Variants in PRKCH observed in about 807,000 individuals in gnomAD.
The protein encoded by PRKCH is protein kinase C eta.
A neutral mutation model predicts 82.5 loss-of-function variants in PRKCH; 28 were observed. That is an observed-to-expected ratio of 0.34 (90% CI 0.25 to 0.47). The LOEUF is 0.47. PRKCH is among the 20% of genes least tolerant of loss of function. The pLI, the probability that PRKCH is intolerant of heterozygous loss-of-function variation, is 1.00. For missense variants in PRKCH, 705 were observed against 881.8 expected, an observed-to-expected ratio of 0.80 and a Z score of 2.54; for synonymous variants, 322 against 327.4, an observed-to-expected ratio of 0.98 and a Z score of 0.18.
chr14:61,491,636 G>A (rs1201622087), intron 10 of PRKCH, among the ~76,000 whole-genome samples: 1 of 152,212 alleles, frequency 6.6e-6, no homozygotes, highest in Non-Finnish European at 1.5e-5. Flanking sequence ...ATGATGGAGA[G>A]CTCAGAGCTT....
chr14:61,296,497 C>G (rs965049018), intron 1 of PRKCH, among the ~76,000 whole-genome samples: 1 of 152,202 alleles, frequency 6.6e-6, no homozygotes, highest in African/African-American at 2.4e-5. Flanking sequence ...CGGGGTGCAT[C>G]TTTCCAAAAT....
At chr14:61,371,278 A>G (rs1399500792) in intron 1 of PRKCH, among the ~76,000 whole-genome samples, 1 of 152,106 alleles carries the variant, frequency 6.6e-6, no homozygotes, top group Admixed American at 6.5e-5. Context: ...TTAGTATGCT[A>G]CATTGTCACA....
chr14:61,208,876 T>G (rs1441251992), intron 1 of PRKCH, among the ~76,000 whole-genome samples: 1 of 152,196 alleles, frequency 6.6e-6, no homozygotes, highest in Non-Finnish European at 1.5e-5. Flanking sequence ...TTTGTAGTTG[T>G]GGCCTTTGGG....
chr14:61,428,042 TATAGATAG>T (rs1166349303), intron 2 of PRKCH, among the ~76,000 whole-genome samples: 87 of 121,920 alleles, frequency 7.1e-4, no homozygotes, highest in African/African-American at 2.7e-3. Context: ...AATATATATA[TATAGATAG>T]ATAGATAGAT....
At chr14:61,397,080 C>T (rs184658839) in intron 2 of PRKCH, among the ~76,000 whole-genome samples, 1 of 152,106 alleles carries the variant, frequency 6.6e-6, no homozygotes, top group Admixed American at 6.5e-5. Flanking sequence ...TGTGGAGAAC[C>T]ATTATAGAGA....
intron 1 of PRKCH, among the ~76,000 whole-genome samples, chr14:61,312,397 G>C (rs1244808660): frequency 6.6e-6 from 1 of 152,102 alleles, no homozygotes; most frequent in Non-Finnish European, 1.5e-5. Flanking sequence ...ATTACAGTTT[G>C]ATAGCCTGCT....
At chr14:61,253,785 T>C (rs1474164591) in intron 1 of PRKCH, among the ~76,000 whole-genome samples, 2 of 152,120 alleles carry the variant, frequency 1.3e-5, no homozygotes, top group Non-Finnish European at 2.9e-5. Context: ...CTCTGCAAAA[T>C]TGGATTGGTT....
At chr14:61,279,829 C>A in intron 1 of PRKCH, 2 of 473,514 alleles carry the variant, frequency 4.2e-6, no homozygotes, top group Non-Finnish European at 3.8e-6. Flanking sequence ...CTTGAAGAAC[C>A]TCACATGGCA....
intron 10 of PRKCH, among the ~76,000 whole-genome samples, chr14:61,507,383 A>C (rs551251826): frequency 6.6e-6 from 1 of 152,144 alleles, no homozygotes; most frequent in Admixed American, 6.5e-5. Flanking sequence ...TAGGTTCCTC[A>C]AAAAAATTAC....
At chr14:61,442,954 T>C (rs930627948) in intron 2 of PRKCH, among the ~76,000 whole-genome samples, 157 bp from the exon 3 acceptor site, 1 of 152,010 alleles carries the variant, frequency 6.6e-6, no homozygotes, top group African/African-American at 2.4e-5. Context: ...AAGAGTCCTG[T>C]TAGGAAGCCA....
intron 1 of PRKCH, among the ~76,000 whole-genome samples, chr14:61,384,142 A>C (rs2046552083): frequency 6.6e-6 from 1 of 152,196 alleles, no homozygotes; most frequent in Non-Finnish European, 1.5e-5. Flanking sequence ...AGGGAAAAAC[A>C]GATGGTCACG....
intron 2 of PRKCH, among the ~76,000 whole-genome samples, chr14:61,421,607 C>T (rs1363460307): frequency 6.6e-6 from 1 of 152,160 alleles, no homozygotes; most frequent in Non-Finnish European, 1.5e-5. Flanking sequence ...CCTTCATATT[C>T]ATTGTAGTTC....
intron 1 of PRKCH, among the ~76,000 whole-genome samples, chr14:61,192,329 A>G (rs1185844016): frequency 1.3e-5 from 2 of 152,226 alleles, no homozygotes; most frequent in Non-Finnish European, 2.9e-5. Context: ...GCAAGTTAAC[A>G]GTTAACAACT....
upstream of PRKCH, among the ~76,000 whole-genome samples, chr14:61,321,396 G>T (rs1289380378): frequency 1.3e-5 from 2 of 152,232 alleles, no homozygotes; most frequent in Non-Finnish European, 2.9e-5. This position sits in a 1 kb window ranked among gnomAD's most constrained non-coding sequence, Gnocchi z 4.1. Flanking sequence ...CTGCGCCCGG[G>T]GTGGCCCCTA....
chr14:61,195,059 A>G (rs919870272), intron 1 of PRKCH, among the ~76,000 whole-genome samples: 1 of 152,118 alleles, frequency 6.6e-6, no homozygotes, highest in African/African-American at 2.4e-5. Flanking sequence ...AACAGTCAAT[A>G]TTCATTATGT....
At chr14:61,200,728 G>GAC in intron 1 of PRKCH, among the ~76,000 whole-genome samples, 1 of 152,108 alleles carries the variant, frequency 6.6e-6, no homozygotes, top group East Asian at 1.9e-4. Flanking sequence ...GAGAGAGAGA[G>GAC]ACTATATTTA....
chr14:61,458,568 C>T lies in PRKCH; in HGVS notation c.1278+889C>T, dbSNP rs3783796. On this transcript the variant is annotated intron_variant, in intron 9 of 13. Coordinates refer to ENST00000332981, the MANE Select transcript of PRKCH (RefSeq NM_006255.5). ...AAGATCTTTCCTAGACTTGGGTCAA[C>T]TGCCCTGTATGTCTGTTCTCACATT... Among the ~76,000 whole-genome samples, 2,816 of 152,260 alleles carry T rather than the reference C, an allele frequency of 0.018. 179 individuals are homozygous for T. The East Asian group carries it at 0.26, about 14-fold the overall frequency.
At chr14:61,223,347 G>A (rs1057190790) in intron 1 of PRKCH, among the ~76,000 whole-genome samples, 1 of 152,176 alleles carries the variant, frequency 6.6e-6, no homozygotes, top group African/African-American at 2.4e-5. Flanking sequence ...CTAAAGGTTT[G>A]ACTTTTGGTT....
intron 1 of PRKCH, among the ~76,000 whole-genome samples, chr14:61,385,933 G>T (rs990114738): frequency 6.6e-6 from 1 of 152,198 alleles, no homozygotes; most frequent in Non-Finnish European, 1.5e-5. Context: ...CCCTATACAG[G>T]TGGGTCTTGA....
Sources: allele counts gnomAD v4.1 joint callset (sites outside exome capture counted in the v4.1 genomes callset), GRCh38; gene constraint gnomAD v4.1.1; non-coding constraint Gnocchi (gnomAD v3.1); transcripts MANE v1.5; gene names NCBI Gene and HGNC (gene_info 2026-07-23, HGNC 2026-07-21).